ZPBP: variants seen among roughly 807,000 people sequenced by gnomAD.
ZPBP encodes zona pellucida-binding protein 1.
A neutral mutation model predicts 44.8 loss-of-function variants in ZPBP; 26 were observed. The ratio of observed to expected loss-of-function variants is 0.58; its 90% confidence interval spans 0.43 to 0.81. ZPBP has a LOEUF of 0.81. Ranked by LOEUF, ZPBP falls within the 30% of genes least tolerant of loss-of-function variation. The pLI, the probability that ZPBP is intolerant of heterozygous loss-of-function variation, is 0.00. For synonymous variants in ZPBP, 174 were observed against 153.2 expected (o/e 1.14, Z -1.00); for missense variants, 409 against 434.0 (o/e 0.94, Z 0.51).
Position 49,937,455 on chromosome 7 carries a change from ATAAT to A in ZPBP, c.*69_*72del. 2 of 1,153,188 alleles carry A rather than the reference ATAAT, an allele frequency of 1.7e-6. No individual in the cohort carries two copies. Among genetic ancestry groups the A allele is most frequent in the Non-Finnish European group, 1.3e-6 (1 of 774,558 alleles). 71.4% of individuals were successfully genotyped at this position (1,153,188 alleles called of 1,614,324 possible). ...GTAAAATATGATTAATTTTGGCATA[ATAAT>A]TTATTATGTTAATATTTCAAATATA... On this transcript the variant is annotated 3_prime_UTR_variant, in exon 8 of 8. Coordinates refer to ENST00000046087, the MANE Select transcript of ZPBP (RefSeq NM_007009.3).
intron 1 of ZPBP, among the ~76,000 whole-genome samples, chr7:49,932,059 T>C (rs894197213): frequency 3.3e-5 from 5 of 152,132 alleles, no homozygotes; most frequent in Non-Finnish European, 7.4e-5. Context: ...TTTCAGAGGA[T>C]GTACGGAAAT....
intron 2 of ZPBP, among the ~76,000 whole-genome samples, chr7:49,879,436 T>C (rs1161587718): frequency 6.6e-6 from 1 of 152,200 alleles, no homozygotes; most frequent in Non-Finnish European, 1.5e-5. Flanking sequence ...GGTTTATATG[T>C]GCAGGTACCA....
At chr7:49,870,931 A>G (rs572247575) in intron 2 of ZPBP, among the ~76,000 whole-genome samples, 16 of 152,350 alleles carry the variant, frequency 1.1e-4, no homozygotes, top group African/African-American at 3.4e-4. Flanking sequence ...GAACTGCTCC[A>G]GGAAATATGA....
chr7:49,902,750 A>G (rs1792837156), intron 1 of ZPBP, among the ~76,000 whole-genome samples: 1 of 152,074 alleles, frequency 6.6e-6, no homozygotes, highest in South Asian at 2.1e-4. Flanking sequence ...TAGAAAATTG[A>G]TGCATTTGAT....
intron 6 of ZPBP, among the ~76,000 whole-genome samples, chr7:50,001,330 A>G (rs985545380): frequency 6.6e-6 from 1 of 152,154 alleles, no homozygotes; most frequent in African/African-American, 2.4e-5. Flanking sequence ...AGGAACCTAA[A>G]ATTTTCTCCT....
intron 5 of ZPBP, among the ~76,000 whole-genome samples, chr7:50,030,248 A>G (rs1228899815): frequency 2.0e-5 from 3 of 151,674 alleles, no homozygotes; most frequent in Non-Finnish European, 4.4e-5. Context: ...AGGACAGGGA[A>G]GGGAAGGGGA....
chr7:49,961,907 G>C (rs912200206), intron 7 of ZPBP, among the ~76,000 whole-genome samples: 1 of 151,972 alleles, frequency 6.6e-6, no homozygotes, highest in African/African-American at 2.4e-5. Context: ...GATGATACAT[G>C]TACACTTGCC....
downstream of ZPBP, among the ~76,000 whole-genome samples, chr7:49,934,944 T>C (rs1290824180): frequency 6.6e-6 from 1 of 152,168 alleles, no homozygotes; most frequent in South Asian, 2.1e-4. Flanking sequence ...AAATGTTTTG[T>C]GAAAATTTAA....
intron 1 of ZPBP, among the ~76,000 whole-genome samples, chr7:49,904,230 T>C (rs1326126420): frequency 6.6e-6 from 1 of 152,156 alleles, no homozygotes; most frequent in East Asian, 1.9e-4. Flanking sequence ...TGAGGCTGCT[T>C]TTCATTAAAA....
At position 50,043,503 on chromosome 7, in the gene ZPBP, C is replaced by CA. The variant is rs575825384; in HGVS notation, c.488-12194dup. Among the ~76,000 whole-genome samples, 15 of 151,976 alleles carry CA rather than the reference C, an allele frequency of 9.9e-5. No homozygotes were observed. The East Asian group carries it at 2.9e-3, about 29-fold the overall frequency. On this transcript the variant is annotated intron_variant, in intron 4 of 7. Transcript: ENST00000046087. ...GAATGTTTGCCAAGCAAATGGAAAG[C>CA]AAAAAATAGCAGGGGTTACAATCCT... is the stretch of plus-strand genomic sequence containing the variant.
chr7:49,964,303 A>G (rs566299402), intron 7 of ZPBP, among the ~76,000 whole-genome samples: 15 of 152,152 alleles, frequency 9.9e-5, no homozygotes, highest in Admixed American at 8.5e-4. Flanking sequence ...TGTGATAGAA[A>G]TAATGAGGAA....
At chr7:50,026,874 C>T (rs1363536060) in intron 5 of ZPBP, among the ~76,000 whole-genome samples, 1 of 151,950 alleles carries the variant, frequency 6.6e-6, no homozygotes, top group African/African-American at 2.4e-5. Context: ...TACAAATACT[C>T]CTTCCTGAAA....
intron 5 of ZPBP, among the ~76,000 whole-genome samples, chr7:50,019,405 T>G (rs554549910): frequency 1.3e-5 from 2 of 152,250 alleles, no homozygotes; most frequent in African/African-American, 4.8e-5. Flanking sequence ...CTTAATAACA[T>G]CTTCACTTCC....
At chr7:50,003,413 A>G (rs1219811422) in intron 6 of ZPBP, among the ~76,000 whole-genome samples, 2 of 152,222 alleles carry the variant, frequency 1.3e-5, no homozygotes, top group East Asian at 3.8e-4. Context: ...ACTCTAGCTC[A>G]GACTATCCCA....
At chr7:49,955,190 T>C (rs922969375) in intron 7 of ZPBP, among the ~76,000 whole-genome samples, 1 of 151,916 alleles carries the variant, frequency 6.6e-6, no homozygotes, top group African/African-American at 2.4e-5. Flanking sequence ...TAGGAAAAAA[T>C]GTAAAGCTTT....
At chr7:50,085,236 A>C (rs1802578265) in intron 2 of ZPBP, among the ~76,000 whole-genome samples, 1 of 152,146 alleles carries the variant, frequency 6.6e-6, no homozygotes. Context: ...AATATCTGGA[A>C]CAGATTCTTT....
chr7:50,093,138 G>A lies in ZPBP; in HGVS notation c.57C>T (p.Ala19=), dbSNP rs763013441. The A allele has an allele frequency of 1.3e-6, 2 of 1,552,902 alleles. No homozygotes were observed. The highest frequency in any genetic ancestry group is 2.4e-5 in the South Asian group (2 of 84,288). ...ARRGRRRTRA[A]GSLLSRAAIL... ...TGGCGGCCCGAGAGAGCAGGGAGCC[G>A]GCGGCCCGGGTCCGCCGCCTGCCCC... The change falls in exon 1 of 8, where the codon GCC becomes GCT. Residue 19 remains alanine (A), a synonymous_variant. Transcript: ENST00000046087.
chr7:49,969,803 G>GTATA lies in ZPBP; in HGVS notation c.961+13535_961+13538dup, dbSNP rs754621506. ...AGTAAAAAAGTTTATGTTAATAAAT[G>GTATA]TATATATATATATATAGAGAGAGAG... On this transcript the variant is annotated intron_variant, in intron 7 of 7. Transcript: ENST00000046087. 4.7e-3 allele frequency among the ~76,000 whole-genome samples: 623 copies of GTATA among 133,208 alleles called. 4 individuals carry two copies. The highest frequency in any genetic ancestry group is 8.2e-3 in the Non-Finnish European group (508 of 62,296). 87.4% of individuals were successfully genotyped at this position (133,208 alleles called of 152,430 possible).
At position 50,061,113 on chromosome 7, in the gene ZPBP, C is replaced by G. The variant is rs180772153; in HGVS notation, c.335-2972G>C. 4.1e-3 allele frequency among the ~76,000 whole-genome samples: 630 copies of G among 152,176 alleles called. 4 individuals carry two copies. The highest frequency in any genetic ancestry group is 0.014 in the African/African-American group (579 of 41,494). ...AAGCCATTCAATGAAATTCAACCTC[C>G]CTTTATGTTAAAAACCCTCAATAAA... On this transcript the variant is annotated intron_variant, in intron 3 of 7. Transcript: ENST00000046087.
Sources: gnomAD v4.1 joint callset for allele counts (sites outside exome capture counted in the v4.1 genomes callset) on GRCh38, gnomAD v4.1.1 for gene constraint, MANE v1.5 for transcripts, NCBI Gene and HGNC (gene_info 2026-07-23, HGNC 2026-07-21) for gene names.